LYPD6B: variants seen among roughly 807,000 people sequenced by gnomAD.
LYPD6B encodes LY6/PLAUR domain containing 6B.
LYPD6B carries 17 observed loss-of-function variants against 22.8 expected under a neutral mutation model. The observed-to-expected ratio is 0.75, with a 90% CI of 0.51 to 1.12. The LOEUF (loss-of-function observed/expected upper bound fraction) is 1.12. Among genes scored for constraint, LYPD6B ranks in the 50% most tolerant of loss-of-function variants. The pLI, the probability that LYPD6B is intolerant of heterozygous loss-of-function variation, is 0.00. For synonymous variants in LYPD6B, 106 were observed against 91.6 expected (o/e 1.16, Z -0.90); for missense variants, 221 against 258.3 (o/e 0.86, Z 0.99).
intron 3 of LYPD6B, 88 bp downstream of exon 3, chr2:149,160,923 GGA>G (rs1690022808): frequency 9.2e-6 from 9 of 975,832 alleles, no homozygotes; most frequent in Non-Finnish European, 4.7e-6. Context: ...GAAAGTCCCG[GGA>G]CCCTGTGTTT....
At chr2:149,171,530 T>G (rs903762863) in intron 3 of LYPD6B, among the ~76,000 whole-genome samples, 25 of 148,654 alleles carry the variant, frequency 1.7e-4, no homozygotes, top group African/African-American at 6.3e-4. Context: ...GAAGTCTGAT[T>G]TTTTTTTTTT....
intron 3 of LYPD6B, among the ~76,000 whole-genome samples, chr2:149,175,440 G>A (rs1250196902): frequency 6.6e-6 from 1 of 152,140 alleles, no homozygotes; most frequent in Non-Finnish European, 1.5e-5. Flanking sequence ...CTCTGGGTGA[G>A]TGAGTGAGTG....
chr2:149,163,631 T>G (rs1162659277), intron 3 of LYPD6B, among the ~76,000 whole-genome samples: 1 of 152,190 alleles, frequency 6.6e-6, no homozygotes, highest in Non-Finnish European at 1.5e-5. Context: ...GTAATTTCCC[T>G]ATAAAGTTGG....
chr2:149,045,153 T>C (rs184286743), intron 1 of LYPD6B, among the ~76,000 whole-genome samples: 1 of 152,200 alleles, frequency 6.6e-6, no homozygotes, highest in African/African-American at 2.4e-5. Flanking sequence ...TTTTGTTAGT[T>C]TCTATCTTTC....
At chr2:149,177,351 T>C (rs556968543) in intron 3 of LYPD6B, among the ~76,000 whole-genome samples, 1 of 152,340 alleles carries the variant, frequency 6.6e-6, no homozygotes, top group South Asian at 2.1e-4. Flanking sequence ...AGGTGGTAAC[T>C]AACAAAGCTG....
At chr2:149,078,898 C>G (rs753201634) in intron 1 of LYPD6B, among the ~76,000 whole-genome samples, 1 of 151,964 alleles carries the variant, frequency 6.6e-6, no homozygotes, top group African/African-American at 2.4e-5. Context: ...GTCCCATCTA[C>G]TCGGGAGGCT....
chr2:149,185,822 A>AT (rs1464637498), intron 3 of LYPD6B, among the ~76,000 whole-genome samples: 1 of 152,190 alleles, frequency 6.6e-6, no homozygotes, highest in East Asian at 1.9e-4. Context: ...AAACTTCCTC[A>AT]TTATTATTAT....
At chr2:149,147,460 T>C (rs890294026) in intron 2 of LYPD6B, among the ~76,000 whole-genome samples, 1 of 152,204 alleles carries the variant, frequency 6.6e-6, no homozygotes, top group African/African-American at 2.4e-5. Context: ...TCCAGTCAGA[T>C]CATACTGTGT....
intron 1 of LYPD6B, among the ~76,000 whole-genome samples, chr2:149,045,117 C>G (rs1683251897): frequency 6.6e-6 from 1 of 151,980 alleles, no homozygotes; most frequent in South Asian, 2.1e-4. Flanking sequence ...TAGGACTATT[C>G]AGATTATCTA....
chr2:149,092,210 T>G (rs911614108), intron 1 of LYPD6B, among the ~76,000 whole-genome samples: 2 of 151,918 alleles, frequency 1.3e-5, no homozygotes, highest in Admixed American at 6.6e-5. Context: ...ATTTTAGATG[T>G]CAAAGATGAA....
At chr2:149,212,362 C>T (rs561221894) in intron 5 of LYPD6B, among the ~76,000 whole-genome samples, 29 of 90,860 alleles carry the variant, frequency 3.2e-4, no homozygotes, top group African/African-American at 1.3e-3. Flanking sequence ...AGCCTGGGGA[C>T]AGAGTAAGAC....
intron 1 of LYPD6B, among the ~76,000 whole-genome samples, chr2:149,104,296 G>A (rs1030052640): frequency 6.6e-6 from 1 of 152,104 alleles, no homozygotes; most frequent in Non-Finnish European, 1.5e-5. Flanking sequence ...GGAACATTTG[G>A]TAGTTGTGTA....
chr2:149,188,450 A>G (rs72983203), intron 3 of LYPD6B, among the ~76,000 whole-genome samples: 2,242 of 152,266 alleles, frequency 0.015, 39 homozygotes, highest in African/African-American at 0.051. Flanking sequence ...GGGTGGGGAA[A>G]AGGATTGACA....
chr2:149,093,910 A>G (rs1273308282), intron 1 of LYPD6B, among the ~76,000 whole-genome samples: 4 of 152,160 alleles, frequency 2.6e-5, no homozygotes, highest in Non-Finnish European at 4.4e-5. Flanking sequence ...ATTCTTATTA[A>G]CACTTTGAAA....
intron 1 of LYPD6B, among the ~76,000 whole-genome samples, chr2:149,084,964 A>C (rs979142046): frequency 4.6e-5 from 7 of 152,170 alleles, no homozygotes; most frequent in African/African-American, 1.4e-4. Context: ...CAAGGATACC[A>C]ACTCCAGAAG....
intron 6 of LYPD6B, among the ~76,000 whole-genome samples, chr2:149,213,784 T>C (rs1416393926): frequency 6.6e-6 from 1 of 152,198 alleles, no homozygotes; most frequent in Admixed American, 6.5e-5. Flanking sequence ...CGGCAGGCTC[T>C]CCAGACCAGT....
chr2:149,177,655 A>G (rs1691407619), intron 3 of LYPD6B, among the ~76,000 whole-genome samples: 1 of 152,172 alleles, frequency 6.6e-6, no homozygotes, highest in African/African-American at 2.4e-5. Context: ...TCTGTGGGCA[A>G]ATCTCATGCC....
chr2:149,183,372 A>C (rs1691872989), intron 3 of LYPD6B, among the ~76,000 whole-genome samples: 1 of 152,148 alleles, frequency 6.6e-6, no homozygotes, highest in Non-Finnish European at 1.5e-5. Flanking sequence ...GTACCCATCC[A>C]TTTATTCTGA....
intron 1 of LYPD6B, chr2:149,069,020 T>C (rs2105348982): frequency 6.4e-6 from 1 of 157,342 alleles, no homozygotes; most frequent in South Asian, 1.8e-4. Flanking sequence ...TCCCTGTCCA[T>C]ACCTTTCTGA....
Sources: allele counts gnomAD v4.1 joint callset (sites outside exome capture counted in the v4.1 genomes callset), GRCh38; gene constraint gnomAD v4.1.1; transcripts MANE v1.5; gene names NCBI Gene and HGNC (gene_info 2026-07-23, HGNC 2026-07-21).